ARMC2: variants seen among roughly 807,000 people sequenced by gnomAD.
ARMC2 encodes the protein armadillo repeat-containing protein 2.
A neutral mutation model predicts 90.3 loss-of-function variants in ARMC2; 67 were observed. The observed-to-expected ratio is 0.74, with a 90% confidence interval of 0.61 to 0.91. The LOEUF (loss-of-function observed/expected upper bound fraction) is 0.91. Ranked by LOEUF, ARMC2 falls within the 40% of genes least tolerant of loss-of-function variation. ARMC2 has a pLI of 0.00. For synonymous variants in ARMC2, 393 were observed against 393.0 expected (o/e 1.00, Z 0.00); for missense variants, 920 against 1,030.9 (o/e 0.89, Z 1.47).
intron 5 of ARMC2, among the ~76,000 whole-genome samples, chr6:108,893,887 A>T (rs1258170123): frequency 6.6e-6 from 1 of 152,128 alleles, no homozygotes; most frequent in South Asian, 2.1e-4. Flanking sequence ...GCATGGTGGC[A>T]TGTGCCTGTA....
At chr6:108,894,253 C>T (rs991746992) in intron 5 of ARMC2, among the ~76,000 whole-genome samples, 2 of 152,162 alleles carry the variant, frequency 1.3e-5, no homozygotes, top group African/African-American at 4.8e-5. Context: ...GTAGTTCTGG[C>T]TACTCGGGAG....
At chr6:109,004,440 T>TG in the ARMC2 span, among the ~76,000 whole-genome samples, 1 of 146,564 alleles carries the variant, frequency 6.8e-6, no homozygotes, top group East Asian at 2.0e-4. Flanking sequence ...CCAACAATCT[T>TG]TTTTTTTTTT....
chr6:108,988,648 C>T, the ARMC2 span: 9 of 1,610,002 alleles, frequency 5.6e-6, no homozygotes, highest in South Asian at 7.7e-5. Context: ...AGCTACGATC[C>T]AATAGCTGGT....
At chr6:108,850,440 A>C (rs1477363341) in intron 1 of ARMC2, among the ~76,000 whole-genome samples, 1 of 151,980 alleles carries the variant, frequency 6.6e-6, no homozygotes. Context: ...TTCTCAGTGC[A>C]CCTCACTTGT....
the ARMC2 span, among the ~76,000 whole-genome samples, chr6:109,020,902 A>G: frequency 4.6e-5 from 7 of 152,300 alleles, no homozygotes; most frequent in East Asian, 9.6e-4. Context: ...TACTTAAACC[A>G]TTTGATGGTT....
chr6:109,032,059 CGA>C, the ARMC2 span, among the ~76,000 whole-genome samples: 6 of 152,076 alleles, frequency 3.9e-5, no homozygotes, highest in East Asian at 1.2e-3. Context: ...CACCTGAGGT[CGA>C]GAGTTTGAGA....
chr6:108,954,719 C>G (rs1777437690), intron 13 of ARMC2, among the ~76,000 whole-genome samples: 1 of 152,176 alleles, frequency 6.6e-6, no homozygotes, highest in African/African-American at 2.4e-5. Flanking sequence ...TTTGGAGGAG[C>G]AATCTGTGAA....
At chr6:108,974,493 A>G (rs978933349), downstream of ARMC2, 20 of 152,212 alleles carry the variant, frequency 1.3e-4, no homozygotes, top group African/African-American at 4.8e-4. Context: ...GATTACTATT[A>G]TTATCCTATA....
chr6:108,937,932 A>G (rs768265012), intron 12 of ARMC2, among the ~76,000 whole-genome samples: 52 of 152,166 alleles, frequency 3.4e-4, no homozygotes, highest in Non-Finnish European at 5.9e-4. Context: ...TCCTGACCTC[A>G]TGATCCGCCC....
the ARMC2 span, among the ~76,000 whole-genome samples, chr6:109,049,056 G>A: frequency 6.6e-6 from 1 of 152,134 alleles, no homozygotes; most frequent in African/African-American, 2.4e-5. Context: ...TAGAACATGT[G>A]TATGAATAAA....
the ARMC2 span, among the ~76,000 whole-genome samples, chr6:109,025,662 G>A: frequency 1.3e-5 from 2 of 151,716 alleles, no homozygotes; most frequent in Admixed American, 1.3e-4. Flanking sequence ...ATTTGAAAAT[G>A]AATGAAATAG....
the ARMC2 span, among the ~76,000 whole-genome samples, chr6:109,035,028 G>C: frequency 1.3e-5 from 2 of 152,066 alleles, no homozygotes; most frequent in Non-Finnish European, 2.9e-5. Context: ...TTCTTAATAG[G>C]TTTTTTCCTC....
At chr6:108,894,002 A>G (rs57198648) in intron 5 of ARMC2, among the ~76,000 whole-genome samples, 4 of 152,094 alleles carry the variant, frequency 2.6e-5, no homozygotes, top group African/African-American at 9.7e-5. Flanking sequence ...AAACACAAAA[A>G]CAAAAACAAA....
At chr6:109,031,702 T>C in the ARMC2 span, among the ~76,000 whole-genome samples, 78 of 152,272 alleles carry the variant, frequency 5.1e-4, no homozygotes, top group African/African-American at 1.9e-3. Flanking sequence ...GGGTAGGAAA[T>C]GGCCCATCTT....
At chr6:108,882,516 G>A (rs1275595763) in intron 5 of ARMC2, among the ~76,000 whole-genome samples, 1 of 151,474 alleles carries the variant, frequency 6.6e-6, no homozygotes, top group Non-Finnish European at 1.5e-5. Flanking sequence ...CCCATATAAG[G>A]AGATGAAAAA....
the ARMC2 span, among the ~76,000 whole-genome samples, chr6:108,989,453 A>T: frequency 6.7e-6 from 1 of 150,094 alleles, no homozygotes; most frequent in East Asian, 1.9e-4. Flanking sequence ...ATACATCTCT[A>T]TATCTAGAGA....
chr6:108,909,647 T>C (rs2128470115), intron 8 of ARMC2, among the ~76,000 whole-genome samples: 1 of 152,274 alleles, frequency 6.6e-6, no homozygotes, highest in African/African-American at 2.4e-5. Flanking sequence ...GTGATTCTCC[T>C]ACCTCAGCCT....
chr6:108,858,176 C>T, intron 2 of ARMC2, 23 bp from the exon 3 acceptor site: 1 of 1,588,462 alleles, frequency 6.3e-7, no homozygotes, highest in Non-Finnish European at 8.6e-7. Context: ...CAAACTAACA[C>T]TCTGCACCAT....
chr6:109,030,717 C>T, the ARMC2 span, among the ~76,000 whole-genome samples: 1 of 152,176 alleles, frequency 6.6e-6, no homozygotes, highest in Non-Finnish European at 1.5e-5. Flanking sequence ...CTAGGGACTA[C>T]AGAATAAAAT....
Sources: gnomAD v4.1 joint callset for allele counts (sites outside exome capture counted in the v4.1 genomes callset) on GRCh38, gnomAD v4.1.1 for gene constraint, MANE v1.5 for transcripts, NCBI Gene and HGNC (gene_info 2026-07-23, HGNC 2026-07-21) for gene names.